GLIS3: variants seen among roughly 807,000 people sequenced by gnomAD.
GLIS3 encodes the protein GLIS family zinc finger 3.
GLIS3 carries 53 observed loss-of-function variants against 78.6 expected under a neutral mutation model. The ratio of observed to expected loss-of-function variants is 0.67; its 90% CI spans 0.54 to 0.85. The LOEUF (loss-of-function observed/expected upper bound fraction) is 0.85. Among genes scored for constraint, GLIS3 ranks in the 40% least tolerant of loss-of-function variants. GLIS3 has a pLI of 0.00. For missense variants in GLIS3, 1,703 were observed against 1,231.1 expected (o/e 1.38, Z -5.74); for synonymous variants, 684 against 509.9 (o/e 1.34, Z -4.60).
chr9:3,853,176 G>A (rs115610016), intron 9 of GLIS3, among the ~76,000 whole-genome samples: 3,684 of 152,248 alleles, frequency 0.024, 178 homozygotes, highest in African/African-American at 0.085. Context: ...CTGCACTCTA[G>A]CCTTGAGGAC....
intron 2 of GLIS3, among the ~76,000 whole-genome samples, chr9:4,249,438 G>C (rs1824137659): frequency 6.6e-6 from 1 of 152,062 alleles, no homozygotes; most frequent in African/African-American, 2.4e-5. Flanking sequence ...TTGGTGTATA[G>C]GAATGCTTGT....
chr9:4,120,782 C>T (rs184674543), intron 3 of GLIS3, among the ~76,000 whole-genome samples: 1 of 152,336 alleles, frequency 6.6e-6, no homozygotes, highest in African/African-American at 2.4e-5. Flanking sequence ...TTGCCTGTCA[C>T]TGTCATACTG....
chr9:4,321,339 GT>G lies in GLIS3; in HGVS notation n.265-10812del, dbSNP rs1817522996. Among the ~76,000 whole-genome samples the G allele has an allele frequency of 4.0e-5, 5 of 123,620 alleles. No homozygotes were observed. The South Asian group carries it at 1.2e-3, about 30-fold the overall frequency. 81.1% of individuals were successfully genotyped at this position (123,620 alleles called of 152,430 possible). On this transcript the variant is annotated intron_variant and non_coding_transcript_variant, in intron 2 of 4. Coordinates refer to the GLIS3 transcript ENST00000471664. ...CGGGAGGCTGAGGCAGGAGAATGGC[GT>G]GAACCCAGGAGGCGGAGCTTGCAGG...
the GLIS3 span, among the ~76,000 whole-genome samples, chr9:4,434,094 CA>C: frequency 0.018 from 1,805 of 100,154 alleles, 8 homozygotes; most frequent in African/African-American, 0.023. Flanking sequence ...GACTCTGTCT[CA>C]AAAAAAAAAA....
the GLIS3 span, among the ~76,000 whole-genome samples, chr9:4,368,872 G>A: frequency 6.6e-5 from 10 of 152,176 alleles, no homozygotes; most frequent in African/African-American, 2.2e-4. Flanking sequence ...TATACTTGAA[G>A]CAAGGTGGCA....
At chr9:3,996,182 A>G (rs1331586511) in intron 4 of GLIS3, among the ~76,000 whole-genome samples, 2 of 152,194 alleles carry the variant, frequency 1.3e-5, no homozygotes, top group Non-Finnish European at 2.9e-5. Flanking sequence ...TTCAAGAGCA[A>G]GAATGAAATA....
At chr9:4,146,871 T>C (rs569591729) in intron 2 of GLIS3, among the ~76,000 whole-genome samples, 1 of 152,374 alleles carries the variant, frequency 6.6e-6, no homozygotes, top group South Asian at 2.1e-4. Context: ...ACCAATGTAC[T>C]GGATTTTATT....
At chr9:4,249,178 T>A (rs1040852835) in intron 2 of GLIS3, among the ~76,000 whole-genome samples, 1 of 152,188 alleles carries the variant, frequency 6.6e-6, no homozygotes. Context: ...AATAGCTTGA[T>A]GGGGATAGCA....
chr9:4,071,360 C>CT, intron 4 of GLIS3: 1 of 152,260 alleles, frequency 6.6e-6, no homozygotes, highest in South Asian at 2.1e-4. Context: ...CAGAGGAACA[C>CT]TTTCAACATT....
chr9:4,215,327 ATGTG>A (rs34915075), intron 2 of GLIS3, among the ~76,000 whole-genome samples: 77,253 of 150,214 alleles, frequency 0.51, 20,177 homozygotes, highest in Middle Eastern at 0.6. Context: ...GTGTGTGCAT[ATGTG>A]TGTGTGTGTG....
intron 4 of GLIS3, among the ~76,000 whole-genome samples, chr9:4,094,407 C>T (rs1184913613): frequency 6.6e-6 from 1 of 152,092 alleles, no homozygotes; most frequent in African/African-American, 2.4e-5. Flanking sequence ...TGTTTTTTTA[C>T]TCTAAATAAA....
At chr9:4,142,104 C>A (rs1833858798) in intron 2 of GLIS3, among the ~76,000 whole-genome samples, 1 of 152,202 alleles carries the variant, frequency 6.6e-6, no homozygotes, top group African/African-American at 2.4e-5. Flanking sequence ...TGCTCACTTA[C>A]AACCCAAATT....
chr9:4,260,009 G>C (rs972961619), intron 2 of GLIS3, among the ~76,000 whole-genome samples: 2 of 152,152 alleles, frequency 1.3e-5, no homozygotes, highest in African/African-American at 2.4e-5. Context: ...AAGCAAGGGA[G>C]ATGGAAACAC....
At chr9:3,924,692 G>A (rs1825108674) in intron 6 of GLIS3, among the ~76,000 whole-genome samples, 1 of 152,208 alleles carries the variant, frequency 6.6e-6, no homozygotes, top group East Asian at 1.9e-4. Flanking sequence ...AACTACCAGA[G>A]GGAGCAGTAA....
intron 4 of GLIS3, among the ~76,000 whole-genome samples, chr9:4,102,172 T>G (rs919569516): frequency 6.6e-6 from 1 of 152,190 alleles, no homozygotes; most frequent in African/African-American, 2.4e-5. Context: ...ATGTCAGTAT[T>G]TCTATAAGAA....
intron 2 of GLIS3, among the ~76,000 whole-genome samples, chr9:4,237,098 C>T (rs906770091): frequency 2.6e-5 from 3 of 117,038 alleles, no homozygotes; most frequent in African/African-American, 8.0e-5. Context: ...AAAGAATCAC[C>T]AACATGTTCA....
chr9:4,198,535 G>C (rs1293215117), intron 2 of GLIS3, among the ~76,000 whole-genome samples: 1 of 152,106 alleles, frequency 6.6e-6, no homozygotes, highest in Non-Finnish European at 1.5e-5. Flanking sequence ...AAAATGAACA[G>C]TCTTTGAGAA....
At chr9:4,301,709 G>A (rs190708718), upstream of GLIS3, among the ~76,000 whole-genome samples, 3 of 152,248 alleles carry the variant, frequency 2.0e-5, no homozygotes, top group East Asian at 5.8e-4. Context: ...GCATAGAATG[G>A]TATCCTAGGG....
chr9:4,432,799 C>A, the GLIS3 span, among the ~76,000 whole-genome samples: 7 of 151,936 alleles, frequency 4.6e-5, no homozygotes, highest in African/African-American at 1.7e-4. Context: ...CGCCACCACG[C>A]CCGGCTAATT....
Sources: gnomAD v4.1 joint callset for allele counts (sites outside exome capture counted in the v4.1 genomes callset) on GRCh38, gnomAD v4.1.1 for gene constraint, MANE v1.5 for transcripts, NCBI Gene and HGNC (gene_info 2026-07-23, HGNC 2026-07-21) for gene names.